The following PCSK6 variants were observed in gnomAD, a reference collection of about 807,000 sequenced individuals.
PCSK6 encodes the protein paired basic amino acid cleaving enzyme 4.
PCSK6 carries 85 observed loss-of-function variants against 123.3 expected under a neutral mutation model. The ratio of observed to expected loss-of-function variants is 0.69; its 90% CI spans 0.58 to 0.83. The LOEUF (loss-of-function observed/expected upper bound fraction) is 0.83, where lower values mean the gene tolerates loss of function less well. Ranked by LOEUF, PCSK6 falls within the 40% of genes least tolerant of loss-of-function variation. The pLI is 0.00. For missense variants in PCSK6, 1,191 were observed against 1,282.3 expected (o/e 0.93, Z 1.09); for synonymous variants, 508 against 516.0 (o/e 0.98, Z 0.21).
At chr15:101,317,956 T>C (rs2040029963) in intron 19 of PCSK6, among the ~76,000 whole-genome samples, 1 of 152,240 alleles carries the variant, frequency 6.6e-6, no homozygotes. Flanking sequence ...TCTCTGCCTC[T>C]CTAAGTGCTG....
At chr15:101,482,578 G>A (rs2057916405) in intron 1 of PCSK6, among the ~76,000 whole-genome samples, 1 of 152,154 alleles carries the variant, frequency 6.6e-6, no homozygotes, top group Non-Finnish European at 1.5e-5. Flanking sequence ...CATGCAGTTG[G>A]CGGACACTGG....
chr15:101,349,977 C>T (rs986899240), intron 13 of PCSK6, among the ~76,000 whole-genome samples: 2 of 152,060 alleles, frequency 1.3e-5, no homozygotes, highest in African/African-American at 2.4e-5. Context: ...GGCACAATCT[C>T]GGCTCACTGC....
chr15:101,482,772 G>C (rs1037175490), intron 1 of PCSK6, among the ~76,000 whole-genome samples: 1 of 151,996 alleles, frequency 6.6e-6, no homozygotes. Flanking sequence ...TGAGCCACCT[G>C]CTCAGTCCTG....
chr15:101,378,282 T>C (rs779633509), intron 11 of PCSK6, among the ~76,000 whole-genome samples: 1 of 152,228 alleles, frequency 6.6e-6, no homozygotes, highest in African/African-American at 2.4e-5. Context: ...TCTAAACAGA[T>C]GGAAACCATT....
chr15:101,358,579 C>T (rs2041115169), intron 13 of PCSK6, among the ~76,000 whole-genome samples: 1 of 152,256 alleles, frequency 6.6e-6, no homozygotes, highest in Non-Finnish European at 1.5e-5. Context: ...TAGCATCTGG[C>T]ACATGGCAGG....
intron 20 of PCSK6, chr15:101,307,604 C>T (rs974378024): frequency 3.2e-5 from 12 of 376,162 alleles, no homozygotes; most frequent in Non-Finnish European, 1.5e-5. Context: ...CGAGGCTTCC[C>T]GCAGCTCACC....
chr15:101,423,035 GACCCACTGTAAAGAGA>G (rs756256206), intron 6 of PCSK6, among the ~76,000 whole-genome samples: 18 of 152,184 alleles, frequency 1.2e-4, no homozygotes, highest in Middle Eastern at 3.4e-3. Flanking sequence ...AGAAATACAT[GACCCACTGTAAAGAGA>G]AAAATCAGTC....
intron 15 of PCSK6, among the ~76,000 whole-genome samples, chr15:101,327,141 T>C (rs528693300): frequency 6.6e-6 from 1 of 152,278 alleles, no homozygotes; most frequent in South Asian, 2.1e-4. Flanking sequence ...TTTCAGAACA[T>C]CCCCTTTAGG....
At chr15:101,358,663 C>T (rs753469124) in intron 13 of PCSK6, among the ~76,000 whole-genome samples, 1 of 152,196 alleles carries the variant, frequency 6.6e-6, no homozygotes, top group Non-Finnish European at 1.5e-5. Context: ...CAGGAACAGC[C>T]GGAAGAGGTA....
In PCSK6 at chr15:101,389,501, T is replaced by C. The variant is rs1258758419; in HGVS notation, c.1273A>G (p.Met425Val). The change falls in exon 9 of 22, where the codon ATG becomes GTG. Residue 425 changes from methionine (M) to valine (V), a missense_variant. Physicochemically the swap from Met to Val is conservative, Grantham distance 21. Coordinates refer to ENST00000611716, the MANE Select transcript of PCSK6 (RefSeq NM_002570.5). The part of the protein sequence containing the change: ...GHTGTSVSAP[M>V]VAGIIALALE... Reference sequence around the variant, plus strand: ...GCCAAGGCGATGATGCCCGCCACCATGGGGGCAGAGACTGAGGTCCCAGTG... The same window carrying C: ...GCCAAGGCGATGATGCCCGCCACCACGGGGGCAGAGACTGAGGTCCCAGTG... 2 of 1,613,264 alleles carry C rather than the reference T, an allele frequency of 1.2e-6. No homozygotes were observed. Among genetic ancestry groups the C allele is most frequent in the Non-Finnish European group, 1.7e-6 (2 of 1,179,642 alleles).
chr15:101,402,509 G>A (rs1003590972), intron 6 of PCSK6, among the ~76,000 whole-genome samples: 16 of 152,092 alleles, frequency 1.1e-4, no homozygotes, highest in African/African-American at 3.1e-4. Context: ...GAAAATTTTC[G>A]CAACCTACTC....
chr15:101,316,668 G>A lies in PCSK6; in HGVS notation c.2569+1651C>T, dbSNP rs150725893. ...GCTGAGCACTGTGGCCTTGAGGGCT[G>A]CCCCAGGAGGGAACTGAGGAGGACA... On this transcript the variant is annotated intron_variant, in intron 19 of 21. Transcript: ENST00000611716. 2.9e-3 allele frequency among the ~76,000 whole-genome samples: 446 copies of A among 152,356 alleles called. 3 individuals are homozygous for A. Among genetic ancestry groups the A allele is most frequent in the Non-Finnish European group, 4.5e-3 (307 of 68,032 alleles).
intron 13 of PCSK6, among the ~76,000 whole-genome samples, chr15:101,363,591 T>C (rs2101170): frequency 6.8e-4 from 104 of 152,364 alleles, no homozygotes; most frequent in African/African-American, 2.5e-3. Context: ...TTTCAGGTCA[T>C]TTAAAATTTT....
rs142688194 is a variant in PCSK6, at chr15:101,353,819, C to T, written c.1858+12377G>A. ...TGAGGGTGGCCCTGAGCTTGGAAGA[C>T]GGCCCTGACACCAGGCTCTGCCCCT... On this transcript the variant is annotated intron_variant, in intron 13 of 21. Transcript: ENST00000611716. 6.8e-4 allele frequency among the ~76,000 whole-genome samples: 104 copies of T among 152,256 alleles called. No homozygotes were observed. In the East Asian group the frequency reaches 0.016, roughly 24 times the overall value.
chr15:101,448,426 A>C (rs1200878498), intron 1 of PCSK6, among the ~76,000 whole-genome samples: 1 of 152,218 alleles, frequency 6.6e-6, no homozygotes, highest in Non-Finnish European at 1.5e-5. Flanking sequence ...CAAAACATGG[A>C]AGGTACAAAA....
intron 17 of PCSK6, among the ~76,000 whole-genome samples, chr15:101,323,697 C>T (rs954469939): frequency 1.4e-5 from 2 of 147,728 alleles, no homozygotes; most frequent in African/African-American, 5.0e-5. Flanking sequence ...CATGCCACTG[C>T]ACTCCAGCCT....
chr15:101,386,487 A>G (rs75512162), intron 9 of PCSK6, among the ~76,000 whole-genome samples: 2,854 of 151,780 alleles, frequency 0.019, 86 homozygotes, highest in African/African-American at 0.066. Flanking sequence ...CCAGACTGAA[A>G]CTCTGTCCCA....
chr15:101,439,664 T>C (rs1200753771), intron 2 of PCSK6, among the ~76,000 whole-genome samples: 2 of 152,262 alleles, frequency 1.3e-5, no homozygotes, highest in African/African-American at 2.4e-5. Context: ...ACAAAACTGT[T>C]AGATAAAATT....
intron 19 of PCSK6, among the ~76,000 whole-genome samples, chr15:101,316,817 A>C (rs2039999087): frequency 6.6e-6 from 1 of 151,646 alleles, no homozygotes; most frequent in Non-Finnish European, 1.5e-5. Context: ...TGGGGTGCTC[A>C]TGGCCGGCCA....
Sources: gnomAD v4.1 joint callset for allele counts (sites outside exome capture counted in the v4.1 genomes callset) on GRCh38, gnomAD v4.1.1 for gene constraint, MANE v1.5 for transcripts, NCBI Gene and HGNC (gene_info 2026-07-23, HGNC 2026-07-21) for gene names.